Variants in STXBP6 observed in about 807,000 individuals in gnomAD.
The protein encoded by STXBP6 is syntaxin binding protein 6.
In STXBP6, 21 loss-of-function variants were observed where a neutral mutation model predicts 26.9. The ratio of observed to expected loss-of-function variants is 0.78; its 90% CI spans 0.55 to 1.12. The LOEUF is 1.12. Ranked by LOEUF, STXBP6 falls within the 50% of genes most tolerant of loss-of-function variation. STXBP6 has a pLI of 0.00. For synonymous variants in STXBP6, 97 were observed against 92.6 expected (o/e 1.05, Z -0.27); for missense variants, 232 against 257.9 (o/e 0.90, Z 0.69).
intron 1 of STXBP6, among the ~76,000 whole-genome samples, chr14:25,044,045 C>T (rs1018137881): frequency 6.6e-6 from 1 of 151,804 alleles, no homozygotes; most frequent in South Asian, 2.1e-4. Context: ...GTGGCACATG[C>T]CTGTAGTCCC....
At chr14:25,020,543 C>A (rs556338722) in intron 1 of STXBP6, among the ~76,000 whole-genome samples, 1 of 152,274 alleles carries the variant, frequency 6.6e-6, no homozygotes, top group South Asian at 2.1e-4. Context: ...CCAACCCTAT[C>A]GAAACTCTGG....
chr14:24,995,795 T>C (rs2074586890), intron 1 of STXBP6, among the ~76,000 whole-genome samples: 1 of 152,154 alleles, frequency 6.6e-6, no homozygotes, highest in Non-Finnish European at 1.5e-5. Flanking sequence ...TACCAGCCCA[T>C]ATCTTTCCCT....
chr14:24,907,857 T>C (rs1018162863), intron 2 of STXBP6, among the ~76,000 whole-genome samples: 3 of 152,138 alleles, frequency 2.0e-5, no homozygotes, highest in Non-Finnish European at 2.9e-5. Context: ...CTCTCTTAGA[T>C]TGCTAAATGT....
At chr14:25,032,525 A>G (rs894220616) in intron 1 of STXBP6, among the ~76,000 whole-genome samples, 5 of 152,216 alleles carry the variant, frequency 3.3e-5, no homozygotes, top group African/African-American at 1.2e-4. Context: ...AGTGGAAAAA[A>G]GAAACACAGG....
At chr14:24,892,973 A>T (rs1481803985) in intron 2 of STXBP6, among the ~76,000 whole-genome samples, 1 of 152,146 alleles carries the variant, frequency 6.6e-6, no homozygotes, top group Non-Finnish European at 1.5e-5. Flanking sequence ...GTGCTCTGCC[A>T]AGAGACATTC....
At chr14:24,931,285 C>A (rs2072397674) in intron 2 of STXBP6, among the ~76,000 whole-genome samples, 1 of 151,210 alleles carries the variant, frequency 6.6e-6, no homozygotes, top group Admixed American at 6.6e-5. Flanking sequence ...TACCTAATGT[C>A]AATGACGAGT....
At chr14:25,025,291 T>G (rs1195349359) in intron 1 of STXBP6, among the ~76,000 whole-genome samples, 1 of 152,010 alleles carries the variant, frequency 6.6e-6, no homozygotes, top group Non-Finnish European at 1.5e-5. Flanking sequence ...TTAGGGAAAA[T>G]GACATTTTGC....
intron 4 of STXBP6, among the ~76,000 whole-genome samples, chr14:24,823,660 G>A (rs2068204626): frequency 6.6e-6 from 1 of 152,110 alleles, no homozygotes; most frequent in Non-Finnish European, 1.5e-5. Flanking sequence ...GCTTATCTAA[G>A]AACACTCTTT....
intron 2 of STXBP6, among the ~76,000 whole-genome samples, chr14:24,930,692 G>C (rs1008114536): frequency 1.1e-4 from 17 of 152,142 alleles, no homozygotes; most frequent in African/African-American, 3.9e-4. Flanking sequence ...CTGGGTAATA[G>C]GAGAGACTTT....
intron 2 of STXBP6, among the ~76,000 whole-genome samples, chr14:24,928,759 T>C (rs1357472118): frequency 6.6e-6 from 1 of 152,226 alleles, no homozygotes; most frequent in Non-Finnish European, 1.5e-5. Context: ...TTTGATTTAT[T>C]CATTCCAAAG....
intron 2 of STXBP6, among the ~76,000 whole-genome samples, chr14:24,860,370 AAGAC>A (rs1315253270): frequency 3.3e-5 from 5 of 152,188 alleles, no homozygotes; most frequent in Admixed American, 3.3e-4. Context: ...CCAATGAAGA[AAGAC>A]AGAAAGACAA....
intron 1 of STXBP6, among the ~76,000 whole-genome samples, chr14:24,996,959 T>C (rs2074620686): frequency 6.7e-6 from 1 of 148,248 alleles, no homozygotes; most frequent in Non-Finnish European, 1.5e-5. Context: ...GACACAAGAA[T>C]GAATTGAAAT....
intron 2 of STXBP6, among the ~76,000 whole-genome samples, chr14:24,924,488 A>C (rs1176183944): frequency 6.6e-6 from 1 of 152,178 alleles, no homozygotes; most frequent in Non-Finnish European, 1.5e-5. Flanking sequence ...TTCACTTAGA[A>C]ATAGATAAAA....
intron 2 of STXBP6, among the ~76,000 whole-genome samples, chr14:24,919,036 C>A (rs193250016): frequency 1.8e-4 from 27 of 152,134 alleles, no homozygotes; most frequent in African/African-American, 6.3e-4. Context: ...ATAATGGAGA[C>A]TCTGGAAAAA....
intron 1 of STXBP6, among the ~76,000 whole-genome samples, chr14:25,041,412 AC>A (rs1408913781): frequency 6.6e-6 from 1 of 152,212 alleles, no homozygotes; most frequent in East Asian, 1.9e-4. Flanking sequence ...CTTCAGGAAC[AC>A]CCAGCTTCAT....
intron 2 of STXBP6, among the ~76,000 whole-genome samples, chr14:24,939,861 T>C (rs1308695317): frequency 2.6e-5 from 4 of 152,178 alleles, no homozygotes; most frequent in African/African-American, 9.7e-5. Context: ...TTAATGGGGA[T>C]TGGTTTTAAT....
At chr14:24,837,587 C>A (rs1343535550) in intron 4 of STXBP6, among the ~76,000 whole-genome samples, 1 of 152,132 alleles carries the variant, frequency 6.6e-6, no homozygotes, top group African/African-American at 2.4e-5. Flanking sequence ...GGTCCCAGGA[C>A]TTTGGGGCTG....
chr14:24,886,924 T>C (rs757937602), intron 2 of STXBP6, among the ~76,000 whole-genome samples: 21 of 152,202 alleles, frequency 1.4e-4, no homozygotes, highest in Non-Finnish European at 2.5e-4. Context: ...TATTGAGCTA[T>C]GCCTTCTACT....
intron 1 of STXBP6, among the ~76,000 whole-genome samples, chr14:25,012,334 C>T (rs1595312972): frequency 6.6e-6 from 1 of 152,298 alleles, no homozygotes; most frequent in East Asian, 1.9e-4. Flanking sequence ...AACATAAGAA[C>T]ATGCATGCAC....
Sources: gnomAD v4.1 joint callset for allele counts (sites outside exome capture counted in the v4.1 genomes callset) on GRCh38, gnomAD v4.1.1 for gene constraint, MANE v1.5 for transcripts, NCBI Gene and HGNC (gene_info 2026-07-23, HGNC 2026-07-21) for gene names.